The following TBC1D5 variants were observed in gnomAD, a reference collection of about 807,000 sequenced individuals.
TBC1D5 encodes TBC1 domain family, member 5.
TBC1D5 carries 75 observed loss-of-function variants against 100.3 expected under a neutral mutation model. The observed-to-expected ratio is 0.75, with a 90% CI of 0.62 to 0.91. The LOEUF (loss-of-function observed/expected upper bound fraction) is 0.91. TBC1D5 is among the 40% of genes least tolerant of loss of function. TBC1D5 has a pLI of 0.00. For missense variants in TBC1D5, 910 were observed against 942.4 expected, an observed-to-expected ratio of 0.97 and a Z score of 0.45; for synonymous variants, 323 against 325.6, an observed-to-expected ratio of 0.99 and a Z score of 0.09.
At chr3:17,641,610 A>C (rs764215225) in intron 1 of TBC1D5, among the ~76,000 whole-genome samples, 6 of 152,062 alleles carry the variant, frequency 3.9e-5, no homozygotes, top group African/African-American at 7.2e-5. Context: ...TCCTCCTCCT[A>C]CTACTACTGC....
chr3:17,696,097 G>A (rs1481387439), intron 1 of TBC1D5, among the ~76,000 whole-genome samples: 4 of 152,162 alleles, frequency 2.6e-5, no homozygotes, highest in Non-Finnish European at 5.9e-5. Context: ...CATATTTAAA[G>A]CAGTGTGTAG....
chr3:17,473,642 T>G (rs1211073433), intron 3 of TBC1D5, among the ~76,000 whole-genome samples: 2 of 152,234 alleles, frequency 1.3e-5, no homozygotes, highest in African/African-American at 2.4e-5. Context: ...TCCAAAAAGC[T>G]AACCGCAGGT....
intron 1 of TBC1D5, chr3:17,705,923 G>T: frequency 9.6e-7 from 1 of 1,039,584 alleles, no homozygotes; most frequent in Non-Finnish European, 1.4e-6. Flanking sequence ...CGGGCCCGCG[G>T]GGCCCGTCCG....
chr3:17,630,323 T>C (rs1254529399), intron 1 of TBC1D5, among the ~76,000 whole-genome samples: 1 of 152,368 alleles, frequency 6.6e-6, no homozygotes, highest in Non-Finnish European at 1.5e-5. Context: ...GTCTATCATA[T>C]ATATGTGCGA....
chr3:17,288,357 A>AT (rs1221463026), intron 15 of TBC1D5, among the ~76,000 whole-genome samples: 1 of 152,176 alleles, frequency 6.6e-6, no homozygotes, highest in East Asian at 1.9e-4. Flanking sequence ...GTAGACAGGG[A>AT]TGGGTCCCTG....
chr3:17,417,135 T>C (rs1200751428), intron 4 of TBC1D5, among the ~76,000 whole-genome samples: 1 of 152,138 alleles, frequency 6.6e-6, no homozygotes, highest in African/African-American at 2.4e-5. Flanking sequence ...TCTACGAAAG[T>C]TGAGCTATGC....
intron 2 of TBC1D5, among the ~76,000 whole-genome samples, chr3:17,516,402 GA>G (rs1360233245): frequency 6.6e-6 from 1 of 152,032 alleles, no homozygotes; most frequent in Non-Finnish European, 1.5e-5. Flanking sequence ...AAGAATTCAT[GA>G]AAGGAAAAAT....
At chr3:17,383,303 G>A (rs73156344) in intron 9 of TBC1D5, among the ~76,000 whole-genome samples, 2,992 of 151,728 alleles carry the variant, frequency 0.02, 75 homozygotes, top group African/African-American at 0.06. Context: ...AAATACCCAA[G>A]TGTGTGTATT....
intron 1 of TBC1D5, among the ~76,000 whole-genome samples, chr3:17,683,744 GTC>G (rs1386584588): frequency 4.6e-5 from 7 of 152,076 alleles, no homozygotes; most frequent in Admixed American, 4.6e-4. Context: ...ACATCTCTAA[GTC>G]TCTATTTCTT....
chr3:17,178,429 G>T (rs1037495303), intron 19 of TBC1D5, among the ~76,000 whole-genome samples: 6 of 152,012 alleles, frequency 3.9e-5, no homozygotes, highest in African/African-American at 1.2e-4. Flanking sequence ...GGACACTTAG[G>T]TTGCTTCCAA....
intron 2 of TBC1D5, among the ~76,000 whole-genome samples, chr3:17,512,348 C>G (rs1300049288): frequency 1.3e-5 from 2 of 151,902 alleles, no homozygotes; most frequent in African/African-American, 4.8e-5. Flanking sequence ...CTGTAAAAGT[C>G]CAGCATAAAC....
chr3:17,428,414 T>C (rs1312207714), intron 4 of TBC1D5, 36 bp downstream of exon 4: 1 of 381,346 alleles, frequency 2.6e-6, no homozygotes, highest in Admixed American at 5.1e-5. Flanking sequence ...TGTGTGTGTA[T>C]ATATATATAT....
At chr3:17,581,775 G>A (rs2096699138) in intron 2 of TBC1D5, among the ~76,000 whole-genome samples, 1 of 152,118 alleles carries the variant, frequency 6.6e-6, no homozygotes, top group African/African-American at 2.4e-5. Context: ...CTCACTAATG[G>A]ATCCCCATCT....
At chr3:17,298,983 C>G (rs2082537516) in intron 14 of TBC1D5, among the ~76,000 whole-genome samples, 1 of 152,058 alleles carries the variant, frequency 6.6e-6, no homozygotes, top group Non-Finnish European at 1.5e-5. Flanking sequence ...TACATACATA[C>G]CTATGATAAA....
intron 18 of TBC1D5, among the ~76,000 whole-genome samples, chr3:17,189,112 G>C (rs1159250579): frequency 2.6e-5 from 4 of 152,140 alleles, no homozygotes; most frequent in Admixed American, 6.5e-5. Context: ...TGGCAGGATC[G>C]GGGGAGAACA....
intron 2 of TBC1D5, among the ~76,000 whole-genome samples, chr3:17,602,313 A>C (rs978718034): frequency 2.0e-5 from 3 of 152,126 alleles, no homozygotes; most frequent in Non-Finnish European, 4.4e-5. Flanking sequence ...TTCTATACCC[A>C]TGCGCTCATA....
intron 1 of TBC1D5, among the ~76,000 whole-genome samples, chr3:17,677,709 C>T (rs538240079): frequency 9.5e-4 from 145 of 152,168 alleles, no homozygotes; most frequent in Non-Finnish European, 1.5e-3. Flanking sequence ...ATGTTTATTG[C>T]GGCACTATTC....
intron 13 of TBC1D5, among the ~76,000 whole-genome samples, chr3:17,346,820 C>G (rs982490945): frequency 2.6e-5 from 4 of 152,124 alleles, no homozygotes; most frequent in African/African-American, 9.7e-5. Context: ...TATGTCAACA[C>G]TATTTACTGA....
exon 22 of TBC1D5, chr3:17,160,892 T>A (rs2065960965): frequency 6.5e-7 from 1 of 1,528,572 alleles, no homozygotes; most frequent in Non-Finnish European, 8.8e-7. Flanking sequence ...CTCCACTGGA[T>A]GAGCCTCAGT....
Sources: allele counts gnomAD v4.1 joint callset (sites outside exome capture counted in the v4.1 genomes callset), GRCh38; gene constraint gnomAD v4.1.1; transcripts MANE v1.5; gene names NCBI Gene and HGNC (gene_info 2026-07-23, HGNC 2026-07-21).